KHDRBS2: variants seen among roughly 807,000 people sequenced by gnomAD.
The protein encoded by KHDRBS2 is KH RNA binding domain containing, signal transduction associated 2.
A neutral mutation model predicts 44.3 loss-of-function variants in KHDRBS2; 26 were observed. The observed-to-expected ratio is 0.59, with a 90% CI of 0.43 to 0.81. KHDRBS2 has a LOEUF of 0.81. KHDRBS2 is among the 40% of genes least tolerant of loss of function. The probability of loss-of-function intolerance (pLI) is 0.00; values close to 1 mark genes in which losing one functional copy is unlikely to be tolerated. For missense variants in KHDRBS2, 476 were observed against 433.1 expected (o/e 1.10, Z -0.88); for synonymous variants, 194 against 151.1 (o/e 1.28, Z -2.08).
intron 2 of KHDRBS2, among the ~76,000 whole-genome samples, chr6:62,105,787 C>T (rs1433856579): frequency 3.3e-5 from 5 of 151,826 alleles, no homozygotes; most frequent in Non-Finnish European, 7.4e-5. Flanking sequence ...TTCAGTTCTG[C>T]TCTGATTTTA....
intron 3 of KHDRBS2, among the ~76,000 whole-genome samples, chr6:62,017,723 CTAAACT>C (rs1175956122): frequency 6.6e-6 from 1 of 151,942 alleles, no homozygotes; most frequent in Non-Finnish European, 1.5e-5. Flanking sequence ...CTAAACTGCT[CTAAACT>C]TAATTTAGAA....
chr6:62,221,509 T>C (rs1166915048), intron 1 of KHDRBS2, among the ~76,000 whole-genome samples: 1 of 152,128 alleles, frequency 6.6e-6, no homozygotes, highest in Non-Finnish European at 1.5e-5. Flanking sequence ...GATATGTTCA[T>C]TTGCTTCATT....
chr6:62,070,479 T>A (rs1475545384), intron 2 of KHDRBS2, among the ~76,000 whole-genome samples: 1 of 151,976 alleles, frequency 6.6e-6, no homozygotes, highest in Non-Finnish European at 1.5e-5. Context: ...CCTAATGCTA[T>A]CCCTCCCCCC....
chr6:61,697,296 A>T, intron 7 of KHDRBS2, 43 bp from the exon 8 acceptor site: 1 of 1,251,758 alleles, frequency 8.0e-7, no homozygotes, highest in Non-Finnish European at 1.2e-6. Context: ...TATAACCAGG[A>T]AATTCAACCC....
chr6:62,046,520 G>A (rs2134476), intron 3 of KHDRBS2, among the ~76,000 whole-genome samples: 11,076 of 151,832 alleles, frequency 0.073, 440 homozygotes, highest in African/African-American at 0.079. Flanking sequence ...GTGTGAGACC[G>A]TAAAAACACA....
intron 2 of KHDRBS2, among the ~76,000 whole-genome samples, chr6:62,174,636 T>C (rs1459959947): frequency 6.6e-6 from 1 of 151,760 alleles, no homozygotes; most frequent in Non-Finnish European, 1.5e-5. Context: ...AAAAGTCATG[T>C]AGTAAAGTCT....
At chr6:61,800,931 T>G (rs1786153873) in intron 6 of KHDRBS2, among the ~76,000 whole-genome samples, 1 of 152,102 alleles carries the variant, frequency 6.6e-6, no homozygotes, top group Admixed American at 6.6e-5. Context: ...TATCAGTTCC[T>G]AGATGCTGTG....
At chr6:61,610,644 A>G in the KHDRBS2 span, among the ~76,000 whole-genome samples, 1 of 152,194 alleles carries the variant, frequency 6.6e-6, no homozygotes, top group African/African-American at 2.4e-5. Flanking sequence ...CTCATGACAC[A>G]GTAGTTGTCT....
At chr6:61,613,375 A>G in the KHDRBS2 span, among the ~76,000 whole-genome samples, 5 of 152,144 alleles carry the variant, frequency 3.3e-5, no homozygotes, top group Non-Finnish European at 5.9e-5. Flanking sequence ...ATTTTTTGTC[A>G]AATCTTGATA....
intron 2 of KHDRBS2, among the ~76,000 whole-genome samples, chr6:62,174,541 A>C (rs1277993353): frequency 9.2e-5 from 14 of 151,794 alleles, no homozygotes; most frequent in Admixed American, 9.2e-4. Context: ...TTAAATTTTA[A>C]ACTTCATTCA....
intron 6 of KHDRBS2, among the ~76,000 whole-genome samples, chr6:61,820,301 G>T (rs1262931898): frequency 6.6e-6 from 1 of 152,052 alleles, no homozygotes; most frequent in Non-Finnish European, 1.5e-5. Context: ...CATGGATGGG[G>T]ACATTCAGGA....
At chr6:61,755,747 C>A (rs1374029790) in intron 6 of KHDRBS2, among the ~76,000 whole-genome samples, 1 of 150,506 alleles carries the variant, frequency 6.6e-6, no homozygotes, top group Non-Finnish European at 1.5e-5. Flanking sequence ...TTGCAGTGAG[C>A]CGAGATAAGG....
intron 6 of KHDRBS2, among the ~76,000 whole-genome samples, chr6:61,871,646 C>T (rs1425028885): frequency 6.6e-6 from 1 of 152,182 alleles, no homozygotes; most frequent in Non-Finnish European, 1.5e-5. Context: ...ATCAGACTAA[C>T]AGCAGATCTC....
At chr6:61,722,047 T>C (rs1772685120) in intron 7 of KHDRBS2, among the ~76,000 whole-genome samples, 1 of 151,844 alleles carries the variant, frequency 6.6e-6, no homozygotes, top group South Asian at 2.1e-4. Flanking sequence ...CATGTGGTTT[T>C]TGTCTTTGGT....
At chr6:61,722,402 T>G (rs1582400233) in intron 7 of KHDRBS2, among the ~76,000 whole-genome samples, 1 of 152,170 alleles carries the variant, frequency 6.6e-6, no homozygotes, top group East Asian at 1.9e-4. Context: ...GGTGAACCTT[T>G]GTAGGATTGT....
intron 1 of KHDRBS2, among the ~76,000 whole-genome samples, chr6:62,178,117 C>T (rs953424539): frequency 6.6e-6 from 1 of 151,262 alleles, no homozygotes; most frequent in Admixed American, 6.6e-5. Flanking sequence ...ACAGTTATGG[C>T]TGGGGGCAAA....
intron 1 of KHDRBS2, among the ~76,000 whole-genome samples, chr6:62,179,483 A>G (rs1821820977): frequency 1.3e-5 from 2 of 151,788 alleles, no homozygotes; most frequent in South Asian, 2.1e-4. Flanking sequence ...GATAATTGCA[A>G]AGAAAATCCA....
In KHDRBS2 at chr6:61,880,173, T is replaced by C. The variant is rs551272774; in HGVS notation, c.810+14462A>G. Among the ~76,000 whole-genome samples, 241 of 151,998 alleles carry C rather than the reference T, an allele frequency of 1.6e-3. 8 individuals carry two copies. The South Asian group carries it at 0.046, about 29-fold the overall frequency. ...TCCGAATGGAAAAGTACACACAAAA[T>C]TGAAGACTCTCGAACAGATAAGACA... On this transcript the variant is annotated intron_variant, in intron 6 of 8. Coordinates refer to ENST00000281156, the MANE Select transcript of KHDRBS2 (RefSeq NM_152688.4).
At chr6:62,212,500 T>C (rs1829236415) in intron 1 of KHDRBS2, among the ~76,000 whole-genome samples, 2 of 152,012 alleles carry the variant, frequency 1.3e-5, no homozygotes, top group Non-Finnish European at 2.9e-5. Context: ...TATGACCTTT[T>C]TGGAAATAGT....
Sources: allele counts gnomAD v4.1 joint callset (sites outside exome capture counted in the v4.1 genomes callset), GRCh38; gene constraint gnomAD v4.1.1; transcripts MANE v1.5; gene names NCBI Gene and HGNC (gene_info 2026-07-23, HGNC 2026-07-21).